Variants in SLC26A6 observed in about 807,000 individuals in gnomAD.
SLC26A6 encodes the protein solute carrier family 26 member 6.
SLC26A6 carries 67 observed loss-of-function variants against 87.1 expected under a neutral mutation model. The observed-to-expected ratio is 0.77, with a 90% CI of 0.63 to 0.94. The LOEUF (loss-of-function observed/expected upper bound fraction) is 0.94, where lower values mean the gene tolerates loss of function less well. SLC26A6 is among the 40% of genes least tolerant of loss of function. The pLI, the probability that SLC26A6 is intolerant of heterozygous loss-of-function variation, is 0.00. For missense variants in SLC26A6, 902 were observed against 973.0 expected (o/e 0.93, Z 0.97); for synonymous variants, 414 against 405.9 (o/e 1.02, Z -0.24).
intron 1 of SLC26A6, chr3:48,633,865 A>C (rs1447778604): frequency 7.1e-7 from 1 of 1,414,388 alleles, no homozygotes; most frequent in Non-Finnish European, 9.2e-7. Flanking sequence ...AAGTCCCCCA[A>C]GTAGGGACTG....
chr3:48,631,232 G>A lies in SLC26A6; in HGVS notation c.978C>T (p.Ile326=). 1 of 1,611,336 alleles carries A rather than the reference G, an allele frequency of 6.2e-7. No homozygotes were observed. The highest frequency in any genetic ancestry group is 8.5e-7 in the Non-Finnish European group (1 of 1,178,332). Reference sequence around the variant, plus strand: ...TGGAGGCCAGAGCTCACCCTGCAGGGATGTTGCCCACGACATCTACCTCAA... The same window carrying A: ...TGGAGGCCAGAGCTCACCCTGCAGGAATGTTGCCCACGACATCTACCTCAA... The part of the protein sequence containing the change: ...HRFEVDVVGN[I]PAGLVPPVAP... The change falls in exon 8 of 21, where the codon ATC becomes ATT. Residue 326 remains isoleucine (I), a synonymous_variant. Transcript: ENST00000395550.
chr3:48,627,250 C>G, intron 17 of SLC26A6, 195 bp from the exon 18 acceptor site: 1 of 650,470 alleles, frequency 1.5e-6, no homozygotes, highest in Non-Finnish European at 2.6e-6. Flanking sequence ...GAGGGCACAC[C>G]CAGATGTGCA....
At position 48,635,356 on chromosome 3, in the gene SLC26A6, G is replaced by A; in HGVS notation, c.23+15C>T. 1.3e-6 allele frequency: 2 copies of A among 1,587,992 alleles called. No individual in the cohort carries two copies. Among genetic ancestry groups the A allele is most frequent in the Non-Finnish European group, 1.7e-6 (2 of 1,168,920 alleles). ...GCGCTCGCGCGGGGCCACCGGGAAT[G>A]TGCGCTGAACTCACCCCGACGCATC... On this transcript the variant is annotated intron_variant, in intron 1 of 20. Transcript: ENST00000395550.
In SLC26A6 at chr3:48,627,067, G is replaced by A; in HGVS notation, c.1894-12C>T. 1 of 1,609,602 alleles carries A rather than the reference G, an allele frequency of 6.2e-7. No homozygotes were observed. Among genetic ancestry groups the A allele is most frequent in the Non-Finnish European group, 8.5e-7 (1 of 1,177,826 alleles). On this transcript the variant is annotated splice_polypyrimidine_tract_variant and intron_variant, in intron 17 of 20. Coordinates refer to ENST00000395550, the MANE Select transcript of SLC26A6 (RefSeq NM_022911.3). ...CCTGAGCTCACCTGCTGGGGAGCCA[G>A]ACATGCTGCCAGGGCCACCCATGAG...
Position 48,633,232 on chromosome 3 carries a change from C to A in SLC26A6, c.322+19G>T, listed in dbSNP as rs760533049. On this transcript the variant is annotated intron_variant, in intron 3 of 20. Transcript: ENST00000395550. ...ACAGACCACAGGGTTTCCAGGCCGA[C>A]GCACTGAAGGTGGCTCACCCTGCGG... The A allele has an allele frequency of 1.2e-6, 2 of 1,609,448 alleles. No individual in the cohort carries two copies. Among genetic ancestry groups the A allele is most frequent in the African/African-American group, 2.7e-5 (2 of 74,890 alleles).
chr3:48,631,128 T>C lies in SLC26A6; in HGVS notation c.999A>G (p.Pro333=). The change falls in exon 9 of 21, where the codon CCA becomes CCG. Residue 333 remains proline (P), a synonymous_variant. Transcript: ENST00000395550. The part of the protein sequence containing the change: ...VGNIPAGLVP[P]VAPNTQLFSK... ...AGAACAGCTGGGTGTTGGGGGCCAC[T>C]GGGGGCACCAGCCTGTGAGAGGTAT... The C allele has an allele frequency of 1.2e-6, 2 of 1,613,608 alleles. No individual in the cohort carries two copies. The highest frequency in any genetic ancestry group is 1.7e-6 in the Non-Finnish European group (2 of 1,180,014).
At chr3:48,635,309 G>T in intron 1 of SLC26A6, 62 bp downstream of exon 1, 1 of 1,559,888 alleles carries the variant, frequency 6.4e-7, no homozygotes, top group African/African-American at 1.4e-5. Context: ...CGTCGCAAGC[G>T]GAGAATGCCT....
intron 11 of SLC26A6, 81 bp from the exon 12 acceptor site, chr3:48,630,238 A>T: frequency 6.6e-7 from 1 of 1,512,368 alleles, no homozygotes; most frequent in Admixed American, 1.7e-5. Flanking sequence ...AAGCCAGACT[A>T]AGCCCAAGCA....
At position 48,626,368 on chromosome 3, in the gene SLC26A6, G is replaced by T; in HGVS notation, c.2129-14C>A. 1 of 1,613,948 alleles carries T rather than the reference G, an allele frequency of 6.2e-7. No individual in the cohort carries two copies. ...TGACCACAGGGCCTGTGGGCAAGAA[G>T]TAGGCCTCCCCTGACTCTCAGAACC... is the stretch of plus-strand genomic sequence containing the variant. On this transcript the variant is annotated splice_polypyrimidine_tract_variant and intron_variant, in intron 19 of 20. Transcript: ENST00000395550.
chr3:48,626,286 C>T lies in SLC26A6; in HGVS notation c.2197G>A (p.Ala733Thr). The part of the protein sequence containing the change: ...DASITKKHLF[A>T]SVHDAVTFAL... Reference sequence around the variant, plus strand: ...AAGGTGACAGCATCATGGACAGAGGCAAAGAGATGCTTCTTGGTGATGGAT... The same window carrying T: ...AAGGTGACAGCATCATGGACAGAGGTAAAGAGATGCTTCTTGGTGATGGAT... Residue 733 changes from alanine (A) to threonine (T), a missense_variant, in exon 20 of 21, where the codon GCC (alanine) becomes ACC (threonine). By Grantham distance (58) the Ala-to-Thr change is moderately conservative (BLOSUM62 0). Coordinates refer to ENST00000395550, the MANE Select transcript of SLC26A6 (RefSeq NM_022911.3). 3 of 1,613,996 alleles carry T rather than the reference C, an allele frequency of 1.9e-6. No individual in the cohort carries two copies. Among genetic ancestry groups the T allele is most frequent in the Non-Finnish European group, 2.5e-6 (3 of 1,180,012 alleles).
At position 48,629,675 on chromosome 3, in the gene SLC26A6, C is replaced by T. The variant is rs387907501; in HGVS notation, c.1566G>A (p.Thr522=). Residue 522 remains threonine, a synonymous_variant, in exon 14 of 21, where the codon ACG becomes ACA. Transcript: ENST00000395550. ...HYSVLGQVPD[T]DIYRDVAEYS... ...ACTCTGCCACATCTCTGTAAATATCCGTGTCTGGCACCTGCCCCAGGACAG... is the reference window on the plus strand; with the variant it reads ...ACTCTGCCACATCTCTGTAAATATCTGTGTCTGGCACCTGCCCCAGGACAG... 3.7e-6 allele frequency: 6 copies of T among 1,613,276 alleles called. No individual in the cohort carries two copies. The highest frequency in any genetic ancestry group is 2.2e-5 in the East Asian group (1 of 44,882).
chr3:48,633,047 C>T lies in SLC26A6; in HGVS notation c.360G>A (p.Val120=). The change falls in exon 4 of 21, where the codon GTG becomes GTA. Residue 120 remains valine (V), a synonymous_variant. Transcript: ENST00000395550. ...GGTAGAAGGAGCTATAGAGGCCAAA[C>T]ACGGGGGGCAATCCAGCCAGGAGGG... ...AYALLAGLPP[V]FGLYSSFYPV... is the part of the protein sequence containing the mutation. 1 of 1,613,466 alleles carries T rather than the reference C, an allele frequency of 6.2e-7. No homozygotes were observed. The highest frequency in any genetic ancestry group is 8.5e-7 in the Non-Finnish European group (1 of 1,179,862).
At chr3:48,626,183 C>CAAAA (rs773185899) in intron 20 of SLC26A6, 35 bp downstream of exon 20, 1 of 1,613,504 alleles carries the variant, frequency 6.2e-7, no homozygotes, top group East Asian at 2.2e-5. Flanking sequence ...AATAGATTAA[C>CAAAA]AAAAAAGAGC....
At position 48,625,830 on chromosome 3, in the gene SLC26A6, C is replaced by G; in HGVS notation, c.*156G>C. 1.1e-6 allele frequency: 1 copy of G among 896,314 alleles called. No individual in the cohort carries two copies. The highest frequency in any genetic ancestry group is 1.7e-6 in the Non-Finnish European group (1 of 579,072). 55.5% of individuals were successfully genotyped at this position (896,314 alleles called of 1,614,324 possible). On this transcript the variant is annotated 3_prime_UTR_variant, in exon 21 of 21. Transcript: ENST00000395550. The surrounding 1 kb of genome is among the most constrained non-coding windows in gnomAD (Gnocchi z 4.7). ...TGCAGGCCCTGTCCCAGACCTGGAG[C>G]GCTGAACTTGGAGTCCCAGGACCTC...
At chr3:48,631,557 A>G in intron 7 of SLC26A6, 92 bp downstream of exon 7, 1 of 1,497,152 alleles carries the variant, frequency 6.7e-7, no homozygotes, top group Non-Finnish European at 9.0e-7. Context: ...GCCCCCCTCC[A>G]GCTGGCCCTC....
chr3:48,629,671 T>C lies in SLC26A6; in HGVS notation c.1570A>G (p.Ile524Val), dbSNP rs938487606. 6.2e-6 allele frequency: 10 copies of C among 1,613,370 alleles called. No individual in the cohort carries two copies. Among genetic ancestry groups the C allele is most frequent in the Non-Finnish European group, 7.6e-6 (9 of 1,179,750 alleles). The change falls in exon 14 of 21, where the codon ATT becomes GTT. Residue 524 changes from isoleucine to valine, a missense_variant. This residue lies in a region of SLC26A6 where 800 missense variants were observed against 856.8 expected (regional missense o/e 0.93). Coordinates refer to ENST00000395550, the MANE Select transcript of SLC26A6 (RefSeq NM_022911.3). ...GAGTACTCTGCCACATCTCTGTAAATATCCGTGTCTGGCACCTGCCCCAGG... is the reference window on the plus strand; with the variant it reads ...GAGTACTCTGCCACATCTCTGTAAACATCCGTGTCTGGCACCTGCCCCAGG... ...SVLGQVPDTD[I>V]YRDVAEYSEA...
At position 48,628,799 on chromosome 3, in the gene SLC26A6, C is replaced by G; in HGVS notation, c.1600-85G>C. 6.8e-7 allele frequency: 1 copy of G among 1,479,494 alleles called. No homozygotes were observed. The highest frequency in any genetic ancestry group is 9.2e-7 in the Non-Finnish European group (1 of 1,081,728). The allele number at this position is 1,479,494 out of a possible 1,614,324, so 91.6% of individuals were successfully genotyped here. A position where few individuals can be genotyped will look rare whatever the true frequency, so the allele number is the denominator to read the frequency against. Reference sequence around the variant, plus strand: ...CTCCTGCCTTTCCTTCCCTAGTGTGCCCAGTGCCTGCCACCGCCCAGCCCT... The same window carrying G: ...CTCCTGCCTTTCCTTCCCTAGTGTGGCCAGTGCCTGCCACCGCCCAGCCCT... On this transcript the variant is annotated intron_variant, in intron 14 of 20. Coordinates refer to ENST00000395550, the MANE Select transcript of SLC26A6 (RefSeq NM_022911.3). The surrounding 1 kb of genome is among the most constrained non-coding windows in gnomAD (Gnocchi z 4.4).
At chr3:48,627,496 G>A (rs575046514) in intron 17 of SLC26A6, 13 of 186,752 alleles carry the variant, frequency 7.0e-5, no homozygotes, top group South Asian at 5.5e-4. Context: ...ACGGGGTCTC[G>A]CTTCATTGCC....
intron 19 of SLC26A6, 114 bp from the exon 20 acceptor site, chr3:48,626,468 A>C: frequency 1.3e-6 from 2 of 1,551,300 alleles, no homozygotes; most frequent in Non-Finnish European, 1.8e-6. Flanking sequence ...CTGAGGCTAC[A>C]GCTGAATCCA....
Sources: gnomAD v4.1 joint callset for allele counts on GRCh38, gnomAD v4.1.1 for gene constraint, gnomAD v4.1.1 regional missense constraint, Gnocchi (gnomAD v3.1) non-coding constraint, MANE v1.5 for transcripts, NCBI Gene and HGNC (gene_info 2026-07-23, HGNC 2026-07-21) for gene names.